Variants in TANGO6 observed in about 807,000 individuals in gnomAD.
The protein encoded by TANGO6 is transport and Golgi organization protein 6 homolog.
Under a neutral mutation model 114.2 loss-of-function variants are expected in TANGO6, and 90 were observed. That is an observed-to-expected ratio of 0.79 (90% CI 0.66 to 0.94). TANGO6 has a LOEUF of 0.94. Ranked by LOEUF, TANGO6 falls within the 40% of genes least tolerant of loss-of-function variation. The pLI, the probability that TANGO6 is intolerant of heterozygous loss-of-function variation, is 0.00. For synonymous variants in TANGO6, 477 were observed against 509.8 expected (o/e 0.94, Z 0.87); for missense variants, 1,274 against 1,315.3 (o/e 0.97, Z 0.49).
chr16:68,863,174 C>G (rs770203004), intron 3 of TANGO6, 113 bp downstream of exon 3: 3 of 578,262 alleles, frequency 5.2e-6, no homozygotes, highest in African/African-American at 1.9e-5. Flanking sequence ...TCTAGTTGAG[C>G]CTTTTTTCAT....
intron 7 of TANGO6, among the ~76,000 whole-genome samples, chr16:68,890,417 T>C (rs973467475): frequency 3.9e-5 from 6 of 152,234 alleles, no homozygotes; most frequent in African/African-American, 1.2e-4. Context: ...GACTGAAATG[T>C]CTTATCCATG....
intron 14 of TANGO6, among the ~76,000 whole-genome samples, chr16:68,962,479 T>A (rs1358696914): frequency 3.9e-5 from 6 of 152,334 alleles, no homozygotes; most frequent in Non-Finnish European, 8.8e-5. Flanking sequence ...TCTAGTTTTT[T>A]AAATGAACTT....
chr16:69,066,181 A>G lies in TANGO6; in HGVS notation c.3109-17304A>G, dbSNP rs188276777. Among the ~76,000 whole-genome samples the G allele has an allele frequency of 1.8e-3, 276 of 150,108 alleles. 1 individual carries two copies. The highest frequency in any genetic ancestry group is 3.4e-3 in the Middle Eastern group (1 of 290). On this transcript the variant is annotated intron_variant, in intron 17 of 17. Transcript: ENST00000261778. ...TCTACGCCACCTCCCTCTTCCTCTC[A>G]CTCGCCTTCATTTATTCATCTGCCC...
chr16:68,875,121 G>A (rs749295440), intron 4 of TANGO6, 33 bp from the exon 5 acceptor site: 7 of 1,588,008 alleles, frequency 4.4e-6, no homozygotes, highest in Admixed American at 3.4e-5. Flanking sequence ...GGGAATTGCT[G>A]TGAGCTGCTA....
chr16:68,982,169 TTC>T lies in TANGO6; in HGVS notation c.2842+8003_2842+8004del, dbSNP rs199670499. Among the ~76,000 whole-genome samples, 400 of 152,230 alleles carry T rather than the reference TTC, an allele frequency of 2.6e-3. 16 individuals are homozygous for T. In the East Asian group the frequency reaches 0.069, roughly 26 times the overall value. On this transcript the variant is annotated intron_variant, in intron 15 of 17. Transcript: ENST00000261778. ...CTTGTTCTAGAACCCACGTGGGCCA[TTC>T]TGTTTCTCTCAAATGTGTTAAATCC...
chr16:69,005,889 C>G (rs1340421206), intron 15 of TANGO6, among the ~76,000 whole-genome samples: 1 of 151,912 alleles, frequency 6.6e-6, no homozygotes, highest in African/African-American at 2.4e-5. Flanking sequence ...ATAAGGACCT[C>G]CAAGAGTCTG....
chr16:68,940,151 TTTCC>T (rs1009777168), intron 14 of TANGO6, among the ~76,000 whole-genome samples: 2 of 150,984 alleles, frequency 1.3e-5, no homozygotes, highest in African/African-American at 4.8e-5. Context: ...TTATTTTGTT[TTTCC>T]TTCCTTCCTT....
At chr16:69,079,373 G>T (rs1960433263) in intron 17 of TANGO6, among the ~76,000 whole-genome samples, 1 of 151,372 alleles carries the variant, frequency 6.6e-6, no homozygotes, top group South Asian at 2.1e-4. Flanking sequence ...AGAAAATAAA[G>T]AAACCGCATA....
At chr16:68,930,690 CGGT>C (rs560737033) in intron 14 of TANGO6, among the ~76,000 whole-genome samples, 249 of 145,036 alleles carry the variant, frequency 1.7e-3, no homozygotes, top group Non-Finnish European at 3.3e-3. Context: ...GGCTGGAGTG[CGGT>C]GGTGTGATCT....
intron 11 of TANGO6, among the ~76,000 whole-genome samples, chr16:68,910,764 C>T (rs997438335): frequency 6.6e-6 from 1 of 152,180 alleles, no homozygotes; most frequent in Non-Finnish European, 1.5e-5. Context: ...GCAACCTCCA[C>T]CTCCTGGGTT....
chr16:69,051,396 C>T (rs1959945699), intron 17 of TANGO6, among the ~76,000 whole-genome samples: 1 of 152,010 alleles, frequency 6.6e-6, no homozygotes, highest in African/African-American at 2.4e-5. Flanking sequence ...ATACAAAAGG[C>T]TGGGCACAAT....
chr16:68,975,060 A>C (rs1243439526), intron 15 of TANGO6, among the ~76,000 whole-genome samples: 1 of 152,160 alleles, frequency 6.6e-6, no homozygotes, highest in Non-Finnish European at 1.5e-5. Flanking sequence ...TCAGAAATAA[A>C]GAATAGGAAT....
At chr16:69,031,191 C>G (rs1292482543) in intron 16 of TANGO6, among the ~76,000 whole-genome samples, 1 of 152,068 alleles carries the variant, frequency 6.6e-6, no homozygotes, top group Non-Finnish European at 1.5e-5. Flanking sequence ...GAGACCTGGA[C>G]TGTTTCTACA....
chr16:69,083,472 C>T lies in TANGO6; in HGVS notation c.3109-13C>T. The stretch of plus-strand genomic sequence containing the variant: ...ACAGTAGACAGGCGGTCATGGCTGT[C>T]TCTCTCATGCAGGTGCTGAGCGCCG... On this transcript the variant is annotated splice_polypyrimidine_tract_variant and intron_variant, in intron 17 of 17. Transcript: ENST00000261778. 6.2e-7 allele frequency: 1 copy of T among 1,600,982 alleles called. No homozygotes were observed. Among genetic ancestry groups the T allele is most frequent in the Admixed American group, 1.7e-5 (1 of 59,082 alleles).
At position 68,927,638 on chromosome 16, in the gene TANGO6, C is replaced by T. The variant is rs1963183900; in HGVS notation, c.2198C>T (p.Pro733Leu). Residue 733 changes from proline (P) to leucine (L), a missense_variant, in exon 13 of 18, where the codon CCT becomes CTT. Physicochemically the swap from Pro to Leu is moderately conservative, Grantham distance 98. Around this residue, in one of 5 missense-constraint regions of TANGO6, gnomAD observed 908 missense variants for 910.2 expected, o/e 1.00. Coordinates refer to ENST00000261778, the MANE Select transcript of TANGO6 (RefSeq NM_024562.2). ...PLLEKVSNTY[P>L]DPVIQELAVD... ...TTGGAGAAGGTATCCAACACATACC[C>T]TGATCCGGTCATCCAAGAACTCGCT... is the stretch of plus-strand genomic sequence containing the variant. 1.2e-6 allele frequency: 2 copies of T among 1,613,896 alleles called. No individual in the cohort carries two copies. Among genetic ancestry groups the T allele is most frequent in the Non-Finnish European group, 1.7e-6 (2 of 1,179,908 alleles).
At position 69,083,480 on chromosome 16, in the gene TANGO6, T is replaced by A; in HGVS notation, c.3109-5T>A. On this transcript the variant is annotated splice_polypyrimidine_tract_variant and splice_region_variant and intron_variant, in intron 17 of 17. Coordinates refer to ENST00000261778, the MANE Select transcript of TANGO6 (RefSeq NM_024562.2). ...CAGGCGGTCATGGCTGTCTCTCTCATGCAGGTGCTGAGCGCCGTCCTCAAG... is the reference window on the plus strand; with the variant it reads ...CAGGCGGTCATGGCTGTCTCTCTCAAGCAGGTGCTGAGCGCCGTCCTCAAG... 6.2e-7 allele frequency: 1 copy of A among 1,606,070 alleles called. No individual in the cohort carries two copies. The highest frequency in any genetic ancestry group is 8.5e-7 in the Non-Finnish European group (1 of 1,175,716).
rs969596414 is a variant in TANGO6 at position 68,892,235 on chromosome 16, C to A, written c.1378-8199C>A. ...TGGGCCATAGCTAAGATCATCCTAT[C>A]GCTTATTGCAGAGCAGCCCTCTAAG... On this transcript the variant is annotated intron_variant, in intron 7 of 17. Coordinates refer to ENST00000261778, the MANE Select transcript of TANGO6 (RefSeq NM_024562.2). 4.6e-5 allele frequency among the ~76,000 whole-genome samples: 7 copies of A among 152,180 alleles called. 1 individual carries two copies.
intron 14 of TANGO6, among the ~76,000 whole-genome samples, chr16:68,964,321 T>G (rs1963623191): frequency 6.6e-6 from 1 of 151,898 alleles, no homozygotes; most frequent in African/African-American, 2.4e-5. Context: ...TTTAACTTAC[T>G]AAAAGATACA....
At chr16:68,892,512 T>A (rs970236763) in intron 7 of TANGO6, among the ~76,000 whole-genome samples, 1 of 108,782 alleles carries the variant, frequency 9.2e-6, no homozygotes, top group Non-Finnish European at 1.9e-5. Flanking sequence ...TCAGTCTTTC[T>A]TTTTTTTTTT....
Sources: gnomAD v4.1 joint callset for allele counts (sites outside exome capture counted in the v4.1 genomes callset) on GRCh38, gnomAD v4.1.1 for gene constraint, gnomAD v4.1.1 regional missense constraint, MANE v1.5 for transcripts, NCBI Gene and HGNC (gene_info 2026-07-23, HGNC 2026-07-21) for gene names.